CRTC3: variants seen among roughly 807,000 people sequenced by gnomAD.
CRTC3 encodes CREB-regulated transcription coactivator 3.
Under a neutral mutation model 74.5 loss-of-function variants are expected in CRTC3, and 26 were observed. The observed-to-expected ratio is 0.35, with a 90% CI of 0.26 to 0.48. The LOEUF (loss-of-function observed/expected upper bound fraction) is 0.48, where lower values mean the gene tolerates loss of function less well. CRTC3 is among the 20% of genes least tolerant of loss of function. The probability of loss-of-function intolerance (pLI) is 0.99; values close to 1 mark genes in which losing one functional copy is unlikely to be tolerated. For synonymous variants in CRTC3, 377 were observed against 325.8 expected, an observed-to-expected ratio of 1.16 and a Z score of -1.69; for missense variants, 760 against 787.3, an observed-to-expected ratio of 0.97 and a Z score of 0.41.
Position 90,629,403 on chromosome 15 carries a change from G to A in CRTC3, c.1137G>A (p.Leu379=). The change falls in exon 11 of 15, where the codon CTG becomes CTA. Residue 379 remains leucine, a synonymous_variant. Coordinates refer to ENST00000268184, the MANE Select transcript of CRTC3 (RefSeq NM_022769.5). The part of the protein sequence containing the change: ...LSNPSLSTTN[L]SGPSRRRQPP... Reference sequence around the variant, plus strand: ...ACCCATCTCTTTCCACCACAAACCTGAGCGGCCCGTCTCGGCGTCGGCAGC... The same window carrying A: ...ACCCATCTCTTTCCACCACAAACCTAAGCGGCCCGTCTCGGCGTCGGCAGC... 1 of 1,613,820 alleles carries A rather than the reference G, an allele frequency of 6.2e-7. No individual in the cohort carries two copies. The highest frequency in any genetic ancestry group is 1.7e-5 in the Admixed American group (1 of 59,978).
At chr15:90,581,083 C>T (rs1967529542) in intron 2 of CRTC3, among the ~76,000 whole-genome samples, 1 of 152,106 alleles carries the variant, frequency 6.6e-6, no homozygotes, top group African/African-American at 2.4e-5. Flanking sequence ...AGTGGCCTGC[C>T]TGGGAAAGTA....
At chr15:90,571,052 TGTG>T (rs1967251648) in intron 2 of CRTC3, among the ~76,000 whole-genome samples, 1 of 152,186 alleles carries the variant, frequency 6.6e-6, no homozygotes, top group Admixed American at 6.5e-5. Context: ...TTGTCCATAA[TGTG>T]GTTATATTTT....
At chr15:90,554,496 A>G (rs1422265719) in intron 2 of CRTC3, among the ~76,000 whole-genome samples, 4 of 152,102 alleles carry the variant, frequency 2.6e-5, no homozygotes, top group Non-Finnish European at 5.9e-5. Context: ...AGCCACCATG[A>G]CCAGCCAAGG....
chr15:90,578,300 A>G (rs1967454266), intron 2 of CRTC3, among the ~76,000 whole-genome samples: 1 of 152,132 alleles, frequency 6.6e-6, no homozygotes, highest in Non-Finnish European at 1.5e-5. Flanking sequence ...TAATCCCAGC[A>G]CTTTGGAAGG....
At chr15:90,599,841 G>A (rs894938541) in intron 3 of CRTC3, among the ~76,000 whole-genome samples, 4 of 152,154 alleles carry the variant, frequency 2.6e-5, no homozygotes, top group Non-Finnish European at 2.9e-5. Context: ...GTTTAAAGAT[G>A]GCAGTGTACT....
chr15:90,532,000 G>T (rs1759907862), intron 1 of CRTC3, among the ~76,000 whole-genome samples: 1 of 152,128 alleles, frequency 6.6e-6, no homozygotes, highest in Non-Finnish European at 1.5e-5. Context: ...CCCTGCTATA[G>T]CTCAGGGTCT....
At chr15:90,637,565 AAAAG>A (rs1969286578) in intron 11 of CRTC3, among the ~76,000 whole-genome samples, 1 of 152,212 alleles carries the variant, frequency 6.6e-6, no homozygotes, top group African/African-American at 2.4e-5. Context: ...ATATTAAAGA[AAAAG>A]AAATTTCTTC....
rs192214530 is a variant in CRTC3 at position 90,540,125 on chromosome 15, G to A, written c.219G>A (p.Ala73=). The A allele has an allele frequency of 1.1e-5, 17 of 1,608,298 alleles. No individual in the cohort carries two copies. The highest frequency in any genetic ancestry group is 2.2e-5 in the East Asian group (1 of 44,830). Residue 73 remains alanine (A), a synonymous_variant, in exon 2 of 15, where the codon GCG becomes GCA. Coordinates refer to ENST00000268184, the MANE Select transcript of CRTC3 (RefSeq NM_022769.5). The part of the protein sequence containing the change: ...LPNVSQLRSS[A]SEFQPSFHQA... ...ATGTGAGCCAGCTGCGGAGCAGTGC[G>A]TCAGAGTTTCAGGTACCTCCAGATA...
Position 90,603,259 on chromosome 15 carries a change from C to T in CRTC3, c.413+874C>T, listed in dbSNP as rs560716289. Reference sequence around the variant, plus strand: ...GAGATCGAGACCATCCTCGCTAACACGGTGAAACCCCGTCTCCACTAAAAA... The same window carrying T: ...GAGATCGAGACCATCCTCGCTAACATGGTGAAACCCCGTCTCCACTAAAAA... On this transcript the variant is annotated intron_variant, in intron 4 of 14. Transcript: ENST00000268184. Among the ~76,000 whole-genome samples, 47 of 149,374 alleles carry T rather than the reference C, an allele frequency of 3.1e-4. 1 individual carries two copies. Among genetic ancestry groups the T allele is most frequent in the Middle Eastern group, 6.9e-3 (2 of 290 alleles).
chr15:90,637,468 G>A (rs1160439616), intron 11 of CRTC3, among the ~76,000 whole-genome samples: 1 of 152,112 alleles, frequency 6.6e-6, no homozygotes, highest in Non-Finnish European at 1.5e-5. Context: ...ACGAGTTAAT[G>A]GGTGTAGCAC....
Position 90,641,947 on chromosome 15 carries a change from G to A in CRTC3, c.1667G>A (p.Ser556Asn), listed in dbSNP as rs1969461233. The change falls in exon 15 of 15, where the codon AGC becomes AAC. Residue 556 changes from serine (S) to asparagine (N), a missense_variant. By Grantham distance (46) the Ser-to-Asn change is conservative. Around this residue, in one of 2 missense-constraint regions of CRTC3, gnomAD observed 652 missense variants for 635.2 expected, o/e 1.03. Coordinates refer to ENST00000268184, the MANE Select transcript of CRTC3 (RefSeq NM_022769.5). ...NTILPEDSST[S>N]LFKDLNSALA... The stretch of plus-strand genomic sequence containing the variant: ...CTCCTTTCAGAAGACTCCAGCACCA[G>A]CCTGTTCAAAGACCTCAACAGTGCG... 1.2e-6 allele frequency: 2 copies of A among 1,613,538 alleles called. No homozygotes were observed. Among genetic ancestry groups the A allele is most frequent in the Non-Finnish European group, 1.7e-6 (2 of 1,179,860 alleles).
chr15:90,580,189 A>G (rs1415950400), intron 2 of CRTC3, among the ~76,000 whole-genome samples: 2 of 152,148 alleles, frequency 1.3e-5, no homozygotes, highest in Non-Finnish European at 2.9e-5. Context: ...TATATATGTT[A>G]TTCTTCTGGA....
intron 2 of CRTC3, among the ~76,000 whole-genome samples, chr15:90,568,491 C>T (rs7166749): frequency 0.67 from 102,292 of 151,876 alleles, 35,665 homozygotes; most frequent in Non-Finnish European, 0.77. Flanking sequence ...GCTAGGATTA[C>T]AGGCACATGC....
intron 11 of CRTC3, chr15:90,634,995 T>C: frequency 7.5e-7 from 1 of 1,341,816 alleles, no homozygotes. Flanking sequence ...TTATTTCCTA[T>C]TTAGAGATGG....
At position 90,643,736 on chromosome 15, in the gene CRTC3, G is replaced by T. The variant is rs1044260041; in HGVS notation, c.*1596G>T. Reference sequence around the variant, plus strand: ...CAGAGCACTGCAGGGGGAGGGGGGGGTCTAGGCTGTGAGAGGACAGGGTGG... The same window carrying T: ...CAGAGCACTGCAGGGGGAGGGGGGGTTCTAGGCTGTGAGAGGACAGGGTGG... On this transcript the variant is annotated 3_prime_UTR_variant, in exon 15 of 15. Transcript: ENST00000268184. The T allele has an allele frequency of 8.6e-6, 2 of 232,396 alleles. No homozygotes were observed. Among genetic ancestry groups the T allele is most frequent in the Non-Finnish European group, 8.5e-6 (1 of 117,664 alleles). The allele number at this position is 232,396 out of a possible 1,614,324, so 14.4% of individuals were successfully genotyped here.
At position 90,645,224 on chromosome 15, in the gene CRTC3, C is replaced by G. The variant is rs1345819153; in HGVS notation, c.*3084C>G. ...AGACTTCCTGCCAGTGTCCTAACCC[C>G]CAGGGCACCCTGTTCAACCATATTT... On this transcript the variant is annotated 3_prime_UTR_variant, in exon 15 of 15. Transcript: ENST00000268184. The G allele has an allele frequency of 4.4e-6, 1 of 228,888 alleles. No homozygotes were observed. The highest frequency in any genetic ancestry group is 8.7e-6 in the Non-Finnish European group (1 of 115,192). The allele number at this position is 228,888 out of a possible 1,614,324, so 14.2% of individuals were successfully genotyped here.
chr15:90,622,883 T>A (rs570467189), intron 9 of CRTC3, among the ~76,000 whole-genome samples: 1 of 151,968 alleles, frequency 6.6e-6, no homozygotes, highest in African/African-American at 2.4e-5. Context: ...AAAGACAAAA[T>A]TTATATTCAG....
rs1414115143 is a variant in CRTC3, at chr15:90,643,298, T to C, written c.*1158T>C. On this transcript the variant is annotated 3_prime_UTR_variant, in exon 15 of 15. Coordinates refer to ENST00000268184, the MANE Select transcript of CRTC3 (RefSeq NM_022769.5). The stretch of plus-strand genomic sequence containing the variant: ...TCCCTGCCAGATCTTCTCAGAGCTT[T>C]AGCTTTTCTAGCACTCGTGCCTATG... The C allele has an allele frequency of 4.3e-6, 1 of 231,800 alleles. No individual in the cohort carries two copies. Among genetic ancestry groups the C allele is most frequent in the Non-Finnish European group, 8.5e-6 (1 of 117,136 alleles). 14.4% of individuals were successfully genotyped at this position (231,800 alleles called of 1,614,324 possible).
At chr15:90,603,364 A>AC (rs886227522) in intron 4 of CRTC3, among the ~76,000 whole-genome samples, 3 of 151,342 alleles carry the variant, frequency 2.0e-5, no homozygotes, top group African/African-American at 4.9e-5. Context: ...AATGGCGTGA[A>AC]CCCAGGAGGC....
Sources: gnomAD v4.1 joint callset for allele counts (sites outside exome capture counted in the v4.1 genomes callset) on GRCh38, gnomAD v4.1.1 for gene constraint, gnomAD v4.1.1 regional missense constraint, MANE v1.5 for transcripts, NCBI Gene and HGNC (gene_info 2026-07-23, HGNC 2026-07-21) for gene names.